NRG1: variants seen among roughly 807,000 people sequenced by gnomAD.
NRG1 encodes the protein neuregulin 1.
A neutral mutation model predicts 63.8 loss-of-function variants in NRG1; 18 were observed. That is an observed-to-expected ratio of 0.28 (90% confidence interval 0.19 to 0.42). NRG1 has a LOEUF of 0.42. Among genes scored for constraint, NRG1 ranks in the 10% least tolerant of loss-of-function variants. NRG1 has a pLI of 1.00. For missense variants in NRG1, 762 were observed against 814.7 expected (o/e 0.94, Z 0.79); for synonymous variants, 302 against 301.3 (o/e 1.00, Z -0.02).
chr8:32,110,381 C>T (rs1831852142), intron 1 of NRG1, among the ~76,000 whole-genome samples: 1 of 152,026 alleles, frequency 6.6e-6, no homozygotes, highest in Non-Finnish European at 1.5e-5. Flanking sequence ...GAGAAACCAG[C>T]AGTGTTTTTT....
intron 1 of NRG1, among the ~76,000 whole-genome samples, chr8:32,103,200 C>T (rs2131374642): frequency 6.6e-6 from 1 of 152,256 alleles, no homozygotes; most frequent in Non-Finnish European, 1.5e-5. Context: ...CCTTCCTATC[C>T]TCTGGTAACC....
At chr8:32,059,031 C>A (rs1823422989) in intron 1 of NRG1, among the ~76,000 whole-genome samples, 1 of 152,006 alleles carries the variant, frequency 6.6e-6, no homozygotes, top group African/African-American at 2.4e-5. Flanking sequence ...ACATAAAAAT[C>A]ATTTAATGTT....
At chr8:31,888,644 G>A (rs913138482) in intron 1 of NRG1, among the ~76,000 whole-genome samples, 9 of 146,402 alleles carry the variant, frequency 6.1e-5, no homozygotes, top group Admixed American at 5.7e-4. Flanking sequence ...TTTACAGCTT[G>A]CAAACAGATA....
intron 1 of NRG1, among the ~76,000 whole-genome samples, chr8:32,400,447 C>A (rs1813028068): frequency 6.6e-6 from 1 of 152,154 alleles, no homozygotes; most frequent in Non-Finnish European, 1.5e-5. Context: ...TAAACAGATT[C>A]ACAAGCAACA....
intron 1 of NRG1, among the ~76,000 whole-genome samples, chr8:32,410,366 A>G (rs1238542535): frequency 6.6e-6 from 1 of 151,598 alleles, no homozygotes; most frequent in Non-Finnish European, 1.5e-5. Context: ...TTTTTTGTAG[A>G]GACAGGGTCT....
intron 1 of NRG1, among the ~76,000 whole-genome samples, chr8:32,040,672 TAC>T (rs1225744670): frequency 1.0e-4 from 14 of 137,508 alleles, no homozygotes; most frequent in African/African-American, 1.6e-4. Context: ...TATATGTATA[TAC>T]ACACACACAT....
chr8:32,107,305 A>C (rs1036041127), intron 1 of NRG1, among the ~76,000 whole-genome samples: 2 of 152,232 alleles, frequency 1.3e-5, no homozygotes, highest in Admixed American at 6.5e-5. Flanking sequence ...AAAATAATAC[A>C]TAGTAGTTTT....
chr8:32,319,058 C>T (rs1163361602), intron 1 of NRG1, among the ~76,000 whole-genome samples: 3 of 152,152 alleles, frequency 2.0e-5, no homozygotes, highest in African/African-American at 7.2e-5. Context: ...GTGAAAAGTT[C>T]AGTGGCCCAG....
At chr8:31,870,186 A>G (rs1829352674) in intron 1 of NRG1, among the ~76,000 whole-genome samples, 1 of 152,142 alleles carries the variant, frequency 6.6e-6, no homozygotes, top group Non-Finnish European at 1.5e-5. Context: ...ATCTTGCAGA[A>G]GCAAGATAAG....
chr8:31,984,866 T>C lies in NRG1; in HGVS notation c.37+345435T>C, dbSNP rs1475935907. 3.3e-5 allele frequency among the ~76,000 whole-genome samples: 5 copies of C among 152,272 alleles called. No homozygotes were observed. In the East Asian group the frequency reaches 9.7e-4, roughly 30 times the overall value. On this transcript the variant is annotated intron_variant, in intron 1 of 10. Coordinates refer to the NRG1 transcript ENST00000519301. ...GTTTATTTAAAGAATTTTGAATCTTTGCAGCTCTTATTGACTGTTCAGCAG... is the reference window on the plus strand; with the variant it reads ...GTTTATTTAAAGAATTTTGAATCTTCGCAGCTCTTATTGACTGTTCAGCAG...
intron 1 of NRG1, among the ~76,000 whole-genome samples, chr8:32,503,545 C>T (rs975167741): frequency 6.6e-6 from 1 of 152,082 alleles, no homozygotes; most frequent in African/African-American, 2.4e-5. Flanking sequence ...AAAATGCCAT[C>T]TATAAGTTTA....
At chr8:31,649,201 T>G (rs779641446) in intron 1 of NRG1, among the ~76,000 whole-genome samples, 57 of 152,294 alleles carry the variant, frequency 3.7e-4, no homozygotes, top group Admixed American at 1.5e-3. Context: ...GTGATCCGCC[T>G]GCCTCGGCCT....
intron 1 of NRG1, among the ~76,000 whole-genome samples, chr8:32,592,840 C>T (rs1842752157): frequency 2.6e-5 from 4 of 152,014 alleles, no homozygotes; most frequent in Admixed American, 2.6e-4. Flanking sequence ...CCCTGTGTGG[C>T]CAAAAATTTA....
chr8:32,472,130 G>A (rs1823923947), intron 1 of NRG1, among the ~76,000 whole-genome samples: 1 of 152,148 alleles, frequency 6.6e-6, no homozygotes, highest in South Asian at 2.1e-4. Flanking sequence ...TAGGGAGAGG[G>A]GAATGGGAAG....
intron 5 of NRG1, among the ~76,000 whole-genome samples, chr8:32,664,232 G>A (rs1010663254): frequency 6.6e-6 from 1 of 151,770 alleles, no homozygotes; most frequent in Non-Finnish European, 1.5e-5. Context: ...AGACATAAAA[G>A]CCTTGCCATT....
intron 1 of NRG1, among the ~76,000 whole-genome samples, chr8:32,071,171 G>A (rs983755073): frequency 1.3e-5 from 2 of 152,190 alleles, no homozygotes; most frequent in South Asian, 2.1e-4. Flanking sequence ...TTTCTCTTGC[G>A]CATTGGCCAC....
chr8:32,208,848 C>A (rs764022477), intron 1 of NRG1, among the ~76,000 whole-genome samples: 1 of 152,012 alleles, frequency 6.6e-6, no homozygotes, highest in Non-Finnish European at 1.5e-5. Flanking sequence ...TATGGATGTA[C>A]CTCAAAATAA....
chr8:32,483,536 A>G (rs966630724), intron 1 of NRG1, among the ~76,000 whole-genome samples: 1 of 152,226 alleles, frequency 6.6e-6, no homozygotes, highest in African/African-American at 2.4e-5. Flanking sequence ...AACATATGCC[A>G]CAGTTGCTTA....
intron 1 of NRG1, among the ~76,000 whole-genome samples, chr8:32,138,644 C>T (rs1835858952): frequency 6.6e-6 from 1 of 152,012 alleles, no homozygotes; most frequent in African/African-American, 2.4e-5. Flanking sequence ...CTCACTGCAA[C>T]CTCAGCTTCC....
Sources: allele counts gnomAD v4.1 joint callset (sites outside exome capture counted in the v4.1 genomes callset), GRCh38; gene constraint gnomAD v4.1.1; transcripts MANE v1.5; gene names NCBI Gene and HGNC (gene_info 2026-07-23, HGNC 2026-07-21).